The following ZFHX3 variants were observed in gnomAD, a reference collection of about 807,000 sequenced individuals.
ZFHX3 encodes the protein zinc finger homeobox protein 3.
A neutral mutation model predicts 279.1 loss-of-function variants in ZFHX3; 42 were observed. The observed-to-expected ratio is 0.15, with a 90% CI of 0.12 to 0.19. The LOEUF is 0.19. Ranked by LOEUF, ZFHX3 falls within the 10% of genes least tolerant of loss-of-function variation. The pLI is 1.00. For missense variants in ZFHX3, 4,981 were observed against 4,754.0 expected (o/e 1.05, Z -1.40); for synonymous variants, 2,293 against 1,957.8 (o/e 1.17, Z -4.52).
In ZFHX3 at chr16:72,797,673, C is replaced by T. The variant is rs1303477674; in HGVS notation, c.5009G>A (p.Ser1670Asn). Residue 1670 changes from serine (S) to asparagine (N), a missense_variant, in exon 9 of 10, where the codon AGT (serine) becomes AAT (asparagine). Physicochemically the swap from Ser to Asn is conservative, Grantham distance 46. Transcript: ENST00000268489. ...GTTAGAGCTTGGAGCAATGCCAGCA[C>T]TGCTTGGATTGGAGGTGGTAAAGGT... ...SNTFTTSNPS[S>N]AGIAPSSNLL... 6.2e-7 allele frequency: 1 copy of T among 1,614,068 alleles called. No individual in the cohort carries two copies. Among genetic ancestry groups the T allele is most frequent in the African/African-American group, 1.3e-5 (1 of 74,916 alleles).
intron 2 of ZFHX3, among the ~76,000 whole-genome samples, chr16:73,478,191 A>T (rs2018796584): frequency 6.8e-6 from 1 of 147,970 alleles, no homozygotes; most frequent in African/African-American, 2.5e-5. Flanking sequence ...GCTTGAATCC[A>T]GGAGGCGGAG....
chr16:73,529,310 C>G (rs904123012), intron 2 of ZFHX3, among the ~76,000 whole-genome samples: 1 of 152,116 alleles, frequency 6.6e-6, no homozygotes, highest in Non-Finnish European at 1.5e-5. Flanking sequence ...TAAAATGCCT[C>G]TATAAGAAAG....
At chr16:73,320,528 T>C (rs2015554518) in intron 3 of ZFHX3, among the ~76,000 whole-genome samples, 1 of 152,216 alleles carries the variant, frequency 6.6e-6, no homozygotes, top group Admixed American at 6.5e-5. Flanking sequence ...CTGTTTCCTT[T>C]AACATAGTGA....
At chr16:73,851,767 C>T (rs1478605882) in intron 1 of ZFHX3, among the ~76,000 whole-genome samples, 2 of 152,090 alleles carry the variant, frequency 1.3e-5, no homozygotes, top group African/African-American at 4.8e-5. Context: ...AGTTTGACAT[C>T]GTAGGGCCTT....
At chr16:73,763,190 CA>C (rs370101018) in intron 1 of ZFHX3, among the ~76,000 whole-genome samples, 2,102 of 151,026 alleles carry the variant, frequency 0.014, 56 homozygotes, top group African/African-American at 0.047. Context: ...TTCCTAATTA[CA>C]AAAAAAAATT....
chr16:72,902,883 G>A (rs1015909888), intron 3 of ZFHX3, among the ~76,000 whole-genome samples: 48 of 152,304 alleles, frequency 3.2e-4, no homozygotes, highest in African/African-American at 1.2e-3. Flanking sequence ...AGGCCAGCCG[G>A]GGGCTAAAGT....
chr16:73,216,830 C>T (rs1020630280), intron 5 of ZFHX3, among the ~76,000 whole-genome samples: 23 of 152,056 alleles, frequency 1.5e-4, no homozygotes, highest in African/African-American at 5.6e-4. Context: ...GTAACTAGGA[C>T]TCTGTCTCCC....
chr16:73,052,813 C>T (rs1310244691), upstream of ZFHX3, among the ~76,000 whole-genome samples: 1 of 152,158 alleles, frequency 6.6e-6, no homozygotes, highest in African/African-American at 2.4e-5. Context: ...TGACAATAAC[C>T]ATGAGAAGGC....
intron 2 of ZFHX3, among the ~76,000 whole-genome samples, chr16:73,534,338 C>G (rs906208787): frequency 3.3e-5 from 5 of 152,210 alleles, no homozygotes; most frequent in African/African-American, 1.2e-4. Context: ...TAAATATCCT[C>G]TCAATGAGTT....
intron 3 of ZFHX3, among the ~76,000 whole-genome samples, chr16:73,379,063 G>A (rs963354971): frequency 6.6e-6 from 1 of 152,162 alleles, no homozygotes; most frequent in Non-Finnish European, 1.5e-5. Context: ...ACGATCCCAC[G>A]AAGGAGGATC....
chr16:73,485,193 T>G (rs935219983), intron 2 of ZFHX3, among the ~76,000 whole-genome samples: 5 of 152,172 alleles, frequency 3.3e-5, no homozygotes, highest in Non-Finnish European at 7.3e-5. Context: ...GCAACTTGCT[T>G]GCACAATGTC....
chr16:73,329,619 T>A (rs1037520288), intron 3 of ZFHX3, among the ~76,000 whole-genome samples: 1 of 152,150 alleles, frequency 6.6e-6, no homozygotes, highest in African/African-American at 2.4e-5. Flanking sequence ...TGGTGGTGCA[T>A]AAGCAAGCCA....
At chr16:73,390,031 G>C (rs867824408) in intron 3 of ZFHX3, among the ~76,000 whole-genome samples, 1 of 152,148 alleles carries the variant, frequency 6.6e-6, no homozygotes, top group Non-Finnish European at 1.5e-5. Context: ...CTGCACTCCA[G>C]CCTGGGTGAC....
intron 5 of ZFHX3, among the ~76,000 whole-genome samples, chr16:73,239,676 G>A (rs1200920520): frequency 1.3e-5 from 2 of 152,144 alleles, no homozygotes; most frequent in African/African-American, 4.8e-5. Flanking sequence ...GAGAAAATCT[G>A]CTCATCACAG....
chr16:73,769,964 A>C (rs1321407353), intron 1 of ZFHX3, among the ~76,000 whole-genome samples: 3 of 152,248 alleles, frequency 2.0e-5, no homozygotes, highest in Non-Finnish European at 4.4e-5. Flanking sequence ...GTTTATTATC[A>C]TAGTGCACTC....
At chr16:73,563,145 G>T (rs2020395932) in intron 2 of ZFHX3, among the ~76,000 whole-genome samples, 1 of 149,700 alleles carries the variant, frequency 6.7e-6, no homozygotes, top group African/African-American at 2.5e-5. Flanking sequence ...TGAAAGTGCA[G>T]TCTTTTTTTG....
At chr16:72,823,725 T>A (rs1387570183) in intron 5 of ZFHX3, among the ~76,000 whole-genome samples, 7 of 152,158 alleles carry the variant, frequency 4.6e-5, no homozygotes, top group Non-Finnish European at 1.0e-4. Context: ...CCTACCCCAG[T>A]CATAATTTAT....
At chr16:73,664,739 C>T (rs1264861295) in intron 2 of ZFHX3, among the ~76,000 whole-genome samples, 1 of 152,180 alleles carries the variant, frequency 6.6e-6, no homozygotes, top group Non-Finnish European at 1.5e-5. Context: ...CACCTGGTTA[C>T]AGCAGGACCA....
At chr16:73,430,461 C>G (rs957468277) in intron 3 of ZFHX3, among the ~76,000 whole-genome samples, 2 of 152,172 alleles carry the variant, frequency 1.3e-5, no homozygotes, top group Non-Finnish European at 2.9e-5. Context: ...GGGCACTGTT[C>G]TAGGTGCTGA....
Sources: allele counts gnomAD v4.1 joint callset (sites outside exome capture counted in the v4.1 genomes callset), GRCh38; gene constraint gnomAD v4.1.1; transcripts MANE v1.5; gene names NCBI Gene and HGNC (gene_info 2026-07-23, HGNC 2026-07-21).